The following CDH13 variants were observed in gnomAD, a reference collection of about 807,000 sequenced individuals.
The protein encoded by CDH13 is cadherin-13.
CDH13 carries 24 observed loss-of-function variants against 63.8 expected under a neutral mutation model. That is an observed-to-expected ratio of 0.38 (90% CI 0.27 to 0.53). The LOEUF is 0.53. Among genes scored for constraint, CDH13 ranks in the 20% least tolerant of loss-of-function variants. CDH13 has a pLI of 0.85. For missense variants in CDH13, 1,049 were observed against 903.1 expected (o/e 1.16, Z -2.07); for synonymous variants, 503 against 355.3 (o/e 1.42, Z -4.67).
intron 6 of CDH13, among the ~76,000 whole-genome samples, chr16:83,452,214 G>C (rs2151512166): frequency 6.6e-6 from 1 of 152,324 alleles, no homozygotes; most frequent in Non-Finnish European, 1.5e-5. Flanking sequence ...TCAACCTTGT[G>C]ACAGTCGGTA....
intron 6 of CDH13, among the ~76,000 whole-genome samples, chr16:83,389,945 G>C (rs111724495): frequency 6.6e-6 from 1 of 152,202 alleles, no homozygotes; most frequent in Non-Finnish European, 1.5e-5. Flanking sequence ...TAACTAATGG[G>C]ATCTGAGCTC....
intron 10 of CDH13, among the ~76,000 whole-genome samples, chr16:83,683,349 G>C (rs1323015528): frequency 1.3e-5 from 2 of 152,206 alleles, no homozygotes; most frequent in Non-Finnish European, 2.9e-5. Flanking sequence ...AGACAGGTAA[G>C]AATAAGGAAG....
At chr16:83,754,564 A>C (rs886788793) in intron 11 of CDH13, among the ~76,000 whole-genome samples, 27 of 152,292 alleles carry the variant, frequency 1.8e-4, no homozygotes, top group African/African-American at 5.5e-4. Context: ...GGAGGGACCC[A>C]GTGGGAGATA....
intron 3 of CDH13, among the ~76,000 whole-genome samples, chr16:83,055,833 A>G (rs1219594468): frequency 1.3e-5 from 2 of 152,188 alleles, no homozygotes; most frequent in African/African-American, 4.8e-5. Flanking sequence ...TAATGAATGT[A>G]TATGAGAAGG....
intron 4 of CDH13, among the ~76,000 whole-genome samples, chr16:83,145,887 T>G (rs1489789563): frequency 6.6e-6 from 1 of 152,118 alleles, no homozygotes. Flanking sequence ...ACTGTGACTC[T>G]AAGGATGAAA....
rs373193560 is a variant in CDH13 at position 82,846,645 on chromosome 16, A to T, written c.46-11717A>T. Among the ~76,000 whole-genome samples, 4 of 152,370 alleles carry T rather than the reference A, an allele frequency of 2.6e-5. No individual in the cohort carries two copies. In the East Asian group the frequency reaches 7.7e-4, roughly 29 times the overall value. On this transcript the variant is annotated intron_variant, in intron 1 of 13. Transcript: ENST00000567109. ...CTGAGCTACTTTTTAACTGATTCTCAATGTATAGTCACATAGGTTGTAGTT... is the reference window on the plus strand; with the variant it reads ...CTGAGCTACTTTTTAACTGATTCTCTATGTATAGTCACATAGGTTGTAGTT...
intron 1 of CDH13, among the ~76,000 whole-genome samples, chr16:82,642,848 C>A (rs879594514): frequency 1.3e-5 from 2 of 152,072 alleles, no homozygotes; most frequent in African/African-American, 4.8e-5. Context: ...GGTTTTAATC[C>A]CATTTCATAG....
At chr16:83,735,424 T>G (rs1363417726) in intron 10 of CDH13, 1 of 152,142 alleles carries the variant, frequency 6.6e-6, no homozygotes, top group African/African-American at 2.4e-5. Flanking sequence ...CCTTTTTTTC[T>G]TCTTGTATTG....
intron 13 of CDH13, among the ~76,000 whole-genome samples, chr16:83,785,349 G>A (rs370836294): frequency 1.2e-4 from 18 of 152,312 alleles, no homozygotes; most frequent in African/African-American, 3.8e-4. Context: ...CATGATGGGA[G>A]AGGCAAGGCA....
chr16:83,108,580 A>C (rs925924451), intron 3 of CDH13, among the ~76,000 whole-genome samples: 1 of 152,138 alleles, frequency 6.6e-6, no homozygotes, highest in Non-Finnish European at 1.5e-5. Flanking sequence ...CCATCCTCCC[A>C]GTGCACAGGT....
At position 83,607,986 on chromosome 16, in the gene CDH13, T is replaced by C. The variant is rs192087516; in HGVS notation, c.1101+5392T>C. ...CAACAAATACTGATTGAATAAGTCA[T>C]ATTTTCACATAAATCTCAGGTCATG... is the stretch of plus-strand genomic sequence containing the variant. On this transcript the variant is annotated intron_variant, in intron 8 of 13. Coordinates refer to ENST00000567109, the MANE Select transcript of CDH13 (RefSeq NM_001257.5). Among the ~76,000 whole-genome samples the C allele has an allele frequency of 3.3e-5, 5 of 152,314 alleles. No individual in the cohort carries two copies. The East Asian group carries it at 5.8e-4, about 18-fold the overall frequency.
intron 5 of CDH13, among the ~76,000 whole-genome samples, chr16:83,245,098 G>T (rs150673775): frequency 6.8e-6 from 1 of 148,082 alleles, no homozygotes; most frequent in East Asian, 2.0e-4. Context: ...TGCTATGTTG[G>T]CTCTTTTCTG....
intron 2 of CDH13, among the ~76,000 whole-genome samples, chr16:82,968,859 C>T (rs1908268859): frequency 1.3e-5 from 2 of 152,162 alleles, no homozygotes; most frequent in South Asian, 4.1e-4. Flanking sequence ...GTGGCTCACG[C>T]CTGTAATCCC....
intron 1 of CDH13, among the ~76,000 whole-genome samples, chr16:82,667,175 G>A (rs1383169386): frequency 6.6e-6 from 1 of 152,168 alleles, no homozygotes; most frequent in Non-Finnish European, 1.5e-5. Flanking sequence ...TGCAGCAGTA[G>A]GGTATTGAAA....
chr16:82,803,211 T>C (rs2036958979), intron 1 of CDH13, among the ~76,000 whole-genome samples: 1 of 152,222 alleles, frequency 6.6e-6, no homozygotes, highest in Non-Finnish European at 1.5e-5. Context: ...GTAAGATGTG[T>C]AGTCCATGGT....
chr16:82,654,036 A>G (rs995918607), intron 1 of CDH13, among the ~76,000 whole-genome samples: 1 of 152,284 alleles, frequency 6.6e-6, no homozygotes. Flanking sequence ...TCAGGCAGAG[A>G]CACATGGGCC....
At chr16:82,897,584 G>T (rs1287361235) in intron 2 of CDH13, among the ~76,000 whole-genome samples, 1 of 152,220 alleles carries the variant, frequency 6.6e-6, no homozygotes, top group Non-Finnish European at 1.5e-5. Flanking sequence ...CCTCCAGATA[G>T]GTTATGCAAC....
chr16:82,788,425 T>TC (rs2036129024), intron 1 of CDH13, among the ~76,000 whole-genome samples: 1 of 152,190 alleles, frequency 6.6e-6, no homozygotes, highest in African/African-American at 2.4e-5. Flanking sequence ...TTAACAGGTA[T>TC]CATGGCCTTG....
intron 2 of CDH13, among the ~76,000 whole-genome samples, chr16:82,876,967 C>T (rs2040527113): frequency 6.6e-6 from 1 of 152,206 alleles, no homozygotes; most frequent in Non-Finnish European, 1.5e-5. Context: ...TGCACCCAAA[C>T]AGCTCATATA....
Sources: allele counts gnomAD v4.1 joint callset (sites outside exome capture counted in the v4.1 genomes callset), GRCh38; gene constraint gnomAD v4.1.1; transcripts MANE v1.5; gene names NCBI Gene and HGNC (gene_info 2026-07-23, HGNC 2026-07-21).